The following CPA5 variants were observed in gnomAD, a reference collection of about 807,000 sequenced individuals.
The protein encoded by CPA5 is testicular tissue protein Li 32.
In CPA5, 38 loss-of-function variants were observed where a neutral mutation model predicts 52.2. The ratio of observed to expected loss-of-function variants is 0.73; its 90% CI spans 0.56 to 0.95. The LOEUF (loss-of-function observed/expected upper bound fraction) is 0.95. Among genes scored for constraint, CPA5 ranks in the 40% least tolerant of loss-of-function variants. The pLI is 0.00. For synonymous variants in CPA5, 198 were observed against 213.7 expected (o/e 0.93, Z 0.64); for missense variants, 519 against 566.7 (o/e 0.92, Z 0.86).
chr7:130,348,802 G>A (rs1354001171), intron 4 of CPA5, among the ~76,000 whole-genome samples: 4 of 152,188 alleles, frequency 2.6e-5, no homozygotes, highest in East Asian at 1.9e-4. Flanking sequence ...ACTGGGGCCC[G>A]TTTAGGTGTA....
rs1554406062 is a variant in CPA5 at position 130,359,657 on chromosome 7, C to T, written c.402C>T (p.Phe134=). 1.3e-6 allele frequency: 2 copies of T among 1,586,742 alleles called. No homozygotes were observed. Among genetic ancestry groups the T allele is most frequent in the Admixed American group, 3.6e-5 (2 of 55,538 alleles). ...GGCTGGAGCGCAGCACCAACAGCTT[C>T]AGTTACTCATCATACCACACCCTGG... ...SRRLERSTNS[F]SYSSYHTLEE... is the part of the protein sequence containing the mutation. The change falls in exon 6 of 13, where the codon TTC becomes TTT. Residue 134 remains phenylalanine (F), a synonymous_variant. Coordinates refer to ENST00000474905, the MANE Select transcript of CPA5 (RefSeq NM_080385.5).
At chr7:130,370,753 G>A (rs1425690313), downstream of CPA5, among the ~76,000 whole-genome samples, 1 of 152,222 alleles carries the variant, frequency 6.6e-6, no homozygotes, top group African/African-American at 2.4e-5. Context: ...TTGTTTAACA[G>A]GAAGGGATTT....
intron 4 of CPA5, 121 bp from the exon 5 acceptor site, chr7:130,349,854 C>T: frequency 8.5e-7 from 1 of 1,177,030 alleles, no homozygotes; most frequent in South Asian, 1.5e-5. Context: ...CCGTCCCCAT[C>T]TCCTGCGTAG....
intron 5 of CPA5, among the ~76,000 whole-genome samples, chr7:130,357,486 G>A (rs1584811120): frequency 6.6e-6 from 1 of 152,106 alleles, no homozygotes; most frequent in East Asian, 1.9e-4. Flanking sequence ...AGCCAGGCGT[G>A]GTGGTGCATA....
At position 130,362,884 on chromosome 7, in the gene CPA5, AT is replaced by A; in HGVS notation, c.639del (p.Ile213MetfsTer11). The A allele has an allele frequency of 6.2e-7, 1 of 1,605,172 alleles. No individual in the cohort carries two copies. Among genetic ancestry groups the A allele is most frequent in the East Asian group, 2.2e-5 (1 of 44,796 alleles). ...HATGIWTANK[I>X]VSDYGKDRVL... ...CATCCCTCCTCACTCTTTCTTGCAGATTGTCAGTGATTATGGCAAAGACCGT... is the reference window on the plus strand; with the variant it reads ...CATCCCTCCTCACTCTTTCTTGCAGATGTCAGTGATTATGGCAAAGACCGT... On this transcript the variant is annotated frameshift_variant and splice_region_variant, in exon 9 of 13. Coordinates refer to ENST00000474905, the MANE Select transcript of CPA5 (RefSeq NM_080385.5). LOFTEE classifies it high-confidence loss of function.
intron 5 of CPA5, among the ~76,000 whole-genome samples, chr7:130,355,250 G>T (rs1314636277): frequency 6.6e-6 from 1 of 152,128 alleles, no homozygotes; most frequent in Non-Finnish European, 1.5e-5. Context: ...GAGCCCTGGA[G>T]TCACCCCAAA....
intron 8 of CPA5, 25 bp from the exon 9 acceptor site, chr7:130,362,859 C>A: frequency 6.6e-7 from 1 of 1,504,124 alleles, no homozygotes; most frequent in Non-Finnish European, 9.2e-7. Flanking sequence ...TAGGGCCTCC[C>A]ATCCCTCCTC....
At chr7:130,368,102 T>A (rs1362368901) in intron 12 of CPA5, 112 bp downstream of exon 12, 8 of 1,002,700 alleles carry the variant, frequency 8.0e-6, no homozygotes, top group Non-Finnish European at 1.2e-5. Flanking sequence ...CCACACTGGA[T>A]AGAAGGGTGA....
intron 3 of CPA5, 115 bp downstream of exon 3, chr7:130,346,716 G>T: frequency 1.2e-6 from 1 of 818,016 alleles, no homozygotes; most frequent in South Asian, 1.6e-5. Context: ...TCAGGATGTG[G>T]GTTCCTGTCC....
At chr7:130,349,860 C>T (rs1795019082) in intron 4 of CPA5, 115 bp from the exon 5 acceptor site, 5 of 1,231,202 alleles carry the variant, frequency 4.1e-6, no homozygotes, top group African/African-American at 1.5e-5. Flanking sequence ...CCATCTCCTG[C>T]GTAGAAAGAG....
intron 5 of CPA5, among the ~76,000 whole-genome samples, chr7:130,358,390 C>T (rs1795611589): frequency 6.6e-6 from 1 of 152,142 alleles, no homozygotes; most frequent in Non-Finnish European, 1.5e-5. Flanking sequence ...TCTTATCTCA[C>T]CTCCACCACT....
chr7:130,362,714 G>A (rs1795860367), intron 8 of CPA5, among the ~76,000 whole-genome samples, 170 bp from the exon 9 acceptor site: 1 of 152,206 alleles, frequency 6.6e-6, no homozygotes, highest in Non-Finnish European at 1.5e-5. Flanking sequence ...AGCCCACATT[G>A]ATCCCCTGCC....
intron 6 of CPA5, among the ~76,000 whole-genome samples, chr7:130,360,279 G>C (rs1358290339): frequency 1.3e-5 from 2 of 152,236 alleles, no homozygotes; most frequent in African/African-American, 2.4e-5. Flanking sequence ...ACCAGTCCTT[G>C]TGTTCAGTGG....
intron 5 of CPA5, among the ~76,000 whole-genome samples, chr7:130,357,833 G>T (rs541017351): frequency 6.6e-6 from 1 of 152,142 alleles, no homozygotes; most frequent in South Asian, 2.1e-4. Flanking sequence ...CTTTCAAATT[G>T]AAAGAATAGT....
At chr7:130,373,175 A>G (rs1309352109), downstream of CPA5, among the ~76,000 whole-genome samples, 1 of 152,192 alleles carries the variant, frequency 6.6e-6, no homozygotes, top group Non-Finnish European at 1.5e-5. Context: ...CAAGTTGTAG[A>G]GCTGCTACAG....
intron 5 of CPA5, among the ~76,000 whole-genome samples, chr7:130,353,748 C>T (rs1340743129): frequency 6.6e-6 from 1 of 152,192 alleles, no homozygotes; most frequent in Non-Finnish European, 1.5e-5. Flanking sequence ...CAGTTGCTTT[C>T]TAACTGCTCT....
chr7:130,355,746 G>A (rs1554405058), intron 5 of CPA5, among the ~76,000 whole-genome samples: 1 of 152,178 alleles, frequency 6.6e-6, no homozygotes, highest in African/African-American at 2.4e-5. Context: ...TAAAGTATGT[G>A]ATAACATGAC....
In CPA5 at chr7:130,362,999, G is replaced by C; in HGVS notation, c.747+5G>C. 1 of 1,558,532 alleles carries C rather than the reference G, an allele frequency of 6.4e-7. No homozygotes were observed. Among genetic ancestry groups the C allele is most frequent in the Non-Finnish European group, 8.9e-7 (1 of 1,129,722 alleles). On this transcript the variant is annotated splice_donor_5th_base_variant and intron_variant, in intron 9 of 12. Coordinates refer to ENST00000474905, the MANE Select transcript of CPA5 (RefSeq NM_080385.5). The stretch of plus-strand genomic sequence containing the variant: ...TTTGCTTTTACCCACAGCATGGTGA[G>C]GGAACCTGGGAAGGATGGAAGGAGG...
chr7:130,359,734 C>A, intron 6 of CPA5, 47 bp downstream of exon 6: 2 of 1,360,956 alleles, frequency 1.5e-6, no homozygotes, highest in Non-Finnish European at 2.1e-6. Flanking sequence ...TCTTTGGGCC[C>A]CTTAGGGTCT....
Sources: allele counts gnomAD v4.1 joint callset (sites outside exome capture counted in the v4.1 genomes callset), GRCh38; gene constraint gnomAD v4.1.1; transcripts MANE v1.5; gene names NCBI Gene and HGNC (gene_info 2026-07-23, HGNC 2026-07-21).